Variants in RMDN2 observed in about 807,000 individuals in gnomAD.
The protein encoded by RMDN2 is regulator of microtubule dynamics protein 2.
Under a neutral mutation model 52.8 loss-of-function variants are expected in RMDN2, and 61 were observed. The ratio of observed to expected loss-of-function variants is 1.16; its 90% CI spans 0.94 to 1.43. The LOEUF (loss-of-function observed/expected upper bound fraction) is 1.43. RMDN2 is among the 40% of genes most tolerant of loss of function. The pLI is 0.00. For synonymous variants in RMDN2, 180 were observed against 153.1 expected (o/e 1.18, Z -1.30); for missense variants, 592 against 475.3 (o/e 1.25, Z -2.28).
At chr2:38,039,091 C>CAGAG (rs1477113693) in intron 10 of RMDN2, among the ~76,000 whole-genome samples, 2 of 104,116 alleles carry the variant, frequency 1.9e-5, no homozygotes, top group African/African-American at 5.8e-5. Flanking sequence ...CACACACACA[C>CAGAG]ACAGAGAGAG....
chr2:38,001,639 G>C (rs571161960), intron 8 of RMDN2, among the ~76,000 whole-genome samples: 13 of 152,280 alleles, frequency 8.5e-5, no homozygotes, highest in Admixed American at 3.9e-4. Context: ...GCATACACTG[G>C]GGCAAGTTAT....
intron 2 of RMDN2, chr2:37,952,287 T>TCAG: frequency 8.0e-7 from 1 of 1,251,158 alleles, no homozygotes; most frequent in Non-Finnish European, 1.1e-6. Flanking sequence ...AATTCATTTC[T>TCAG]CATAACTCCC....
At chr2:37,938,819 T>C (rs894396641) in intron 2 of RMDN2, among the ~76,000 whole-genome samples, 1 of 152,202 alleles carries the variant, frequency 6.6e-6, no homozygotes, top group Non-Finnish European at 1.5e-5. Flanking sequence ...TAGCGGTCTA[T>C]CTATTTTGTA....
chr2:38,064,990 C>T (rs1461140953), intron 10 of RMDN2, among the ~76,000 whole-genome samples: 2 of 152,214 alleles, frequency 1.3e-5, no homozygotes, highest in East Asian at 1.9e-4. Flanking sequence ...TCTAATCATG[C>T]GTATGGCATG....
At chr2:38,002,897 C>G (rs1020024914) in intron 8 of RMDN2, 1 of 152,236 alleles carries the variant, frequency 6.6e-6, no homozygotes, top group Admixed American at 6.5e-5. Context: ...AGGTTGTAAG[C>G]TTGCTTGCCT....
chr2:38,040,971 G>A (rs1256243816), intron 10 of RMDN2, among the ~76,000 whole-genome samples: 1 of 152,008 alleles, frequency 6.6e-6, no homozygotes, highest in Admixed American at 6.5e-5. Context: ...TCATTTTTGT[G>A]CTATTGGAAA....
At chr2:37,966,728 A>T (rs988394176) in intron 2 of RMDN2, among the ~76,000 whole-genome samples, 1 of 151,856 alleles carries the variant, frequency 6.6e-6, no homozygotes, top group Non-Finnish European at 1.5e-5. Flanking sequence ...GTAAATTTTT[A>T]GTTCAGTTAT....
rs776873416 is a variant in RMDN2 at position 37,997,549 on chromosome 2, C to A, written c.1044+35C>A. 3 of 1,311,458 alleles carry A rather than the reference C, an allele frequency of 2.3e-6. No homozygotes were observed. The South Asian group carries it at 3.5e-5, about 15-fold the overall frequency. The allele number at this position is 1,311,458 out of a possible 1,614,324, so 81.2% of individuals were successfully genotyped here. A position where few individuals can be genotyped will look rare whatever the true frequency, so the allele number is the denominator to read the frequency against. On this transcript the variant is annotated intron_variant, in intron 8 of 10. Transcript: ENST00000354545. ...GTGTATCCATTATTTTAGTGTCAGA[C>A]TGATTACCATCTGCACCAATCCCTG...
chr2:37,951,585 A>G, intron 2 of RMDN2: 1 of 1,613,296 alleles, frequency 6.2e-7, no homozygotes, highest in Non-Finnish European at 8.5e-7. Context: ...TATTTCCCGC[A>G]GAAGACGTTT....
intron 10 of RMDN2, among the ~76,000 whole-genome samples, chr2:38,026,098 GTT>G (rs1239264423): frequency 6.6e-6 from 1 of 152,102 alleles, no homozygotes; most frequent in African/African-American, 2.4e-5. Flanking sequence ...GTTGGGGGAA[GTT>G]TTCAAGTACA....
At chr2:37,953,879 T>C (rs78409312) in intron 2 of RMDN2, among the ~76,000 whole-genome samples, 4,435 of 152,168 alleles carry the variant, frequency 0.029, 216 homozygotes, top group African/African-American at 0.1. Context: ...TTTTTTGTTA[T>C]AGTAGCCATC....
chr2:38,003,053 A>C (rs1676526167), intron 8 of RMDN2: 1 of 152,242 alleles, frequency 6.6e-6, no homozygotes, highest in South Asian at 2.1e-4. Context: ...TAGATAGGAG[A>C]AAAGTACCTT....
intron 10 of RMDN2, among the ~76,000 whole-genome samples, chr2:38,037,252 C>G (rs1305215480): frequency 6.6e-6 from 1 of 152,180 alleles, no homozygotes; most frequent in Non-Finnish European, 1.5e-5. Flanking sequence ...GCAATTGACA[C>G]ATAAATATGG....
At chr2:37,984,799 G>C (rs1262261454) in intron 5 of RMDN2, among the ~76,000 whole-genome samples, 1 of 151,794 alleles carries the variant, frequency 6.6e-6, no homozygotes, top group Admixed American at 6.6e-5. Flanking sequence ...AATATACCAT[G>C]TTGTGAATTA....
intron 10 of RMDN2, among the ~76,000 whole-genome samples, chr2:38,031,065 A>T (rs1680162673): frequency 6.6e-6 from 1 of 151,936 alleles, no homozygotes; most frequent in Non-Finnish European, 1.5e-5. Context: ...TCCCATAGGG[A>T]GGGAAAATGG....
At chr2:38,062,109 T>C (rs1038741218) in intron 10 of RMDN2, among the ~76,000 whole-genome samples, 1 of 152,228 alleles carries the variant, frequency 6.6e-6, no homozygotes, top group African/African-American at 2.4e-5. Context: ...TTTTTTCCAA[T>C]CACTTTTCAT....
At chr2:37,992,179 A>T (rs921129285) in intron 7 of RMDN2, among the ~76,000 whole-genome samples, 4 of 152,356 alleles carry the variant, frequency 2.6e-5, no homozygotes, top group Admixed American at 2.6e-4. Context: ...AGTCTTCATG[A>T]TGTTAAGAAC....
chr2:37,978,261 A>G (rs1672816316), intron 4 of RMDN2, among the ~76,000 whole-genome samples: 1 of 135,286 alleles, frequency 7.4e-6, no homozygotes, highest in Admixed American at 8.1e-5. Context: ...GTGAGTCGAG[A>G]TGGCGGCAGT....
chr2:38,062,249 G>T (rs1001062908), intron 10 of RMDN2, among the ~76,000 whole-genome samples: 1 of 151,986 alleles, frequency 6.6e-6, no homozygotes, highest in Non-Finnish European at 1.5e-5. Context: ...TTTAACCCTC[G>T]ACAACCACTG....
Sources: allele counts gnomAD v4.1 joint callset (sites outside exome capture counted in the v4.1 genomes callset), GRCh38; gene constraint gnomAD v4.1.1; transcripts MANE v1.5; gene names NCBI Gene and HGNC (gene_info 2026-07-23, HGNC 2026-07-21).